The following RARB variants were observed in gnomAD, a reference collection of about 807,000 sequenced individuals.
RARB encodes retinoic acid receptor beta, also known as HBV-activated protein.
In RARB, 17 loss-of-function variants were observed where a neutral mutation model predicts 51.9. That is an observed-to-expected ratio of 0.33 (90% CI 0.22 to 0.49). RARB has a LOEUF of 0.49. Among genes scored for constraint, RARB ranks in the 20% least tolerant of loss-of-function variants. The probability of loss-of-function intolerance (pLI) is 0.99; values close to 1 mark genes in which losing one functional copy is unlikely to be tolerated. For missense variants in RARB, 369 were observed against 550.8 expected, an observed-to-expected ratio of 0.67 and a Z score of 3.30; for synonymous variants, 215 against 195.4, an observed-to-expected ratio of 1.10 and a Z score of -0.84.
At chr3:24,899,935 C>A (rs1489096199) in intron 2 of RARB, among the ~76,000 whole-genome samples, 1 of 146,262 alleles carries the variant, frequency 6.8e-6, no homozygotes, top group Non-Finnish European at 1.5e-5. Context: ...TTTTTTTTTG[C>A]CTGAATTCTG....
chr3:24,947,209 C>A (rs1442771821), intron 2 of RARB, among the ~76,000 whole-genome samples: 2 of 152,116 alleles, frequency 1.3e-5, no homozygotes, highest in African/African-American at 2.4e-5. Flanking sequence ...ACTAGAATAT[C>A]TTGTGTTTAT....
chr3:25,553,165 T>C (rs1699916251), intron 3 of RARB, among the ~76,000 whole-genome samples: 1 of 152,020 alleles, frequency 6.6e-6, no homozygotes, highest in Non-Finnish European at 1.5e-5. Context: ...TTTTTTTTTT[T>C]TTTGAAAGAT....
intron 3 of RARB, among the ~76,000 whole-genome samples, chr3:25,518,406 C>T (rs892069120): frequency 1.3e-5 from 2 of 151,992 alleles, no homozygotes; most frequent in African/African-American, 4.8e-5. Context: ...GAATGTTTCC[C>T]ACAGGTCTTT....
At position 25,597,215 on chromosome 3, in the gene RARB, T is replaced by G. The variant is rs1701873571; in HGVS notation, c.*599T>G. ...AGTTAGTATGGAAGCTTGTCTTTGC[T>G]CTTTCTGATGCTCTCAAACTGCATC... is the stretch of plus-strand genomic sequence containing the variant. On this transcript the variant is annotated 3_prime_UTR_variant, in exon 8 of 8. Transcript: ENST00000330688. 1 of 152,672 alleles carries G rather than the reference T, an allele frequency of 6.5e-6. No homozygotes were observed. The highest frequency in any genetic ancestry group is 1.5e-5 in the Non-Finnish European group (1 of 68,050). 9.5% of individuals were successfully genotyped at this position (152,672 alleles called of 1,614,324 possible).
chr3:24,959,082 C>T (rs913445736), intron 2 of RARB, among the ~76,000 whole-genome samples: 9 of 152,284 alleles, frequency 5.9e-5, no homozygotes, highest in South Asian at 2.1e-4. Flanking sequence ...AGAGGGCATG[C>T]GTTACAGTGC....
At chr3:24,917,577 C>CT (rs1281008727) in intron 2 of RARB, among the ~76,000 whole-genome samples, 2 of 152,234 alleles carry the variant, frequency 1.3e-5, no homozygotes, top group African/African-American at 4.8e-5. Context: ...GTCACCCAGA[C>CT]TAGAGTACAG....
chr3:25,579,138 T>C (rs558600515), intron 4 of RARB, among the ~76,000 whole-genome samples: 18 of 152,376 alleles, frequency 1.2e-4, no homozygotes, highest in African/African-American at 3.8e-4. Flanking sequence ...TTACAGTTTA[T>C]TTTTTGAATT....
At chr3:25,163,172 TAAATA>T (rs1302119042) in intron 4 of RARB, among the ~76,000 whole-genome samples, 2 of 152,132 alleles carry the variant, frequency 1.3e-5, no homozygotes, top group Non-Finnish European at 2.9e-5. Flanking sequence ...AAATCTGGAT[TAAATA>T]AAATACAGAA....
At chr3:25,286,177 C>T (rs1292786535) in intron 5 of RARB, among the ~76,000 whole-genome samples, 3 of 138,850 alleles carry the variant, frequency 2.2e-5, no homozygotes, top group African/African-American at 5.3e-5. Flanking sequence ...CAAGCTCCAT[C>T]TCCCGGGTTC....
intron 3 of RARB, among the ~76,000 whole-genome samples, chr3:25,103,585 C>G (rs1196046659): frequency 6.6e-6 from 1 of 152,192 alleles, no homozygotes; most frequent in Non-Finnish European, 1.5e-5. Context: ...CAGGCGACAA[C>G]AGAAGGCCAT....
chr3:25,573,500 G>A (rs1227506732), intron 4 of RARB, among the ~76,000 whole-genome samples: 4 of 152,322 alleles, frequency 2.6e-5, no homozygotes, highest in Non-Finnish European at 4.4e-5. Flanking sequence ...TGCCCACCGC[G>A]GGGTGGAGGG....
intron 3 of RARB, among the ~76,000 whole-genome samples, chr3:25,069,203 G>A (rs909828456): frequency 6.7e-6 from 1 of 150,346 alleles, no homozygotes; most frequent in Admixed American, 6.6e-5. Flanking sequence ...GCAGGACTGT[G>A]AGAAAGATTT....
intron 3 of RARB, among the ~76,000 whole-genome samples, chr3:25,504,170 T>C (rs1273549978): frequency 6.6e-6 from 1 of 152,230 alleles, no homozygotes; most frequent in Non-Finnish European, 1.5e-5. Flanking sequence ...CAGAGTAATA[T>C]GCTGGATCCA....
chr3:25,131,774 C>A (rs571044062), intron 3 of RARB, among the ~76,000 whole-genome samples: 1 of 151,928 alleles, frequency 6.6e-6, no homozygotes, highest in Admixed American at 6.6e-5. Flanking sequence ...AGAATTTGTG[C>A]CAAGATTGAT....
At chr3:24,954,115 C>A (rs960161865) in intron 2 of RARB, among the ~76,000 whole-genome samples, 1 of 152,030 alleles carries the variant, frequency 6.6e-6, no homozygotes, top group African/African-American at 2.4e-5. Flanking sequence ...GTTTTCTGTT[C>A]CTGCTCTTTT....
chr3:24,917,883 A>G (rs1236445263), intron 2 of RARB, among the ~76,000 whole-genome samples: 1 of 152,216 alleles, frequency 6.6e-6, no homozygotes, highest in Non-Finnish European at 1.5e-5. Context: ...TAGAATGATT[A>G]TAAGTAAAGA....
intron 5 of RARB, among the ~76,000 whole-genome samples, chr3:25,293,946 C>T (rs1703854132): frequency 6.6e-6 from 1 of 152,144 alleles, no homozygotes. Context: ...TTGTCTGCAC[C>T]CTTCTCATTT....
intron 2 of RARB, among the ~76,000 whole-genome samples, chr3:24,937,972 G>T (rs1285729311): frequency 6.6e-6 from 1 of 152,128 alleles, no homozygotes; most frequent in Non-Finnish European, 1.5e-5. Context: ...ATTTACTGAT[G>T]ACTCACTTGA....
chr3:25,098,990 T>G (rs1044649466), intron 3 of RARB, among the ~76,000 whole-genome samples: 1 of 152,194 alleles, frequency 6.6e-6, no homozygotes, highest in African/African-American at 2.4e-5. Context: ...TGAGTGGCTG[T>G]AGTATCAACC....
Sources: gnomAD v4.1 joint callset for allele counts (sites outside exome capture counted in the v4.1 genomes callset) on GRCh38, gnomAD v4.1.1 for gene constraint, MANE v1.5 for transcripts, NCBI Gene and HGNC (gene_info 2026-07-23, HGNC 2026-07-21) for gene names.